The following NOL4 variants were observed in gnomAD, a reference collection of about 807,000 sequenced individuals.
NOL4 encodes the protein nucleolar protein 4.
In NOL4, 17 loss-of-function variants were observed where a neutral mutation model predicts 75.9. The observed-to-expected ratio is 0.22, with a 90% CI of 0.15 to 0.34. NOL4 has a LOEUF of 0.34. Ranked by LOEUF, NOL4 falls within the 10% of genes least tolerant of loss-of-function variation. NOL4 has a pLI of 1.00. For missense variants in NOL4, 614 were observed against 793.5 expected (o/e 0.77, Z 2.72); for synonymous variants, 292 against 289.9 (o/e 1.01, Z -0.07).
At chr18:34,138,463 A>G (rs2145967574) in intron 1 of NOL4, among the ~76,000 whole-genome samples, 1 of 152,292 alleles carries the variant, frequency 6.6e-6, no homozygotes, top group East Asian at 1.9e-4. Flanking sequence ...GGGGAGGAGA[A>G]AAAAATAAGG....
At chr18:33,974,307 A>G (rs1305272665) in intron 6 of NOL4, among the ~76,000 whole-genome samples, 2 of 152,166 alleles carry the variant, frequency 1.3e-5, no homozygotes, top group Non-Finnish European at 2.9e-5. Flanking sequence ...GCTCTGGAAT[A>G]GGCTTTGGCT....
chr18:33,857,623 A>G (rs539538847), intron 10 of NOL4, among the ~76,000 whole-genome samples: 1 of 152,166 alleles, frequency 6.6e-6, no homozygotes, highest in Non-Finnish European at 1.5e-5. Context: ...TTTACCAGGA[A>G]GCCATCCAAC....
intron 1 of NOL4, among the ~76,000 whole-genome samples, chr18:34,157,894 G>A (rs1006206752): frequency 2.6e-5 from 4 of 152,100 alleles, no homozygotes; most frequent in African/African-American, 9.7e-5. Flanking sequence ...AACATGTTTC[G>A]AATTCATAGC....
At chr18:34,014,803 C>A (rs2074585669) in intron 6 of NOL4, among the ~76,000 whole-genome samples, 1 of 152,042 alleles carries the variant, frequency 6.6e-6, no homozygotes, top group Non-Finnish European at 1.5e-5. Flanking sequence ...CCCTGCTAGT[C>A]TAGTGAGTTA....
chr18:33,939,722 G>A (rs1389886656), intron 9 of NOL4, among the ~76,000 whole-genome samples: 1 of 152,074 alleles, frequency 6.6e-6, no homozygotes, highest in Non-Finnish European at 1.5e-5. Flanking sequence ...TCTGCAAAGA[G>A]ACAATTTGAC....
intron 1 of NOL4, among the ~76,000 whole-genome samples, chr18:34,131,271 G>GT (rs577719812): frequency 7.0e-4 from 107 of 152,164 alleles, no homozygotes; most frequent in African/African-American, 2.5e-3. Flanking sequence ...AAAAACAAAA[G>GT]TAAGTCACCT....
intron 1 of NOL4, among the ~76,000 whole-genome samples, chr18:34,169,961 G>T (rs866819997): frequency 6.6e-6 from 1 of 152,010 alleles, no homozygotes; most frequent in Non-Finnish European, 1.5e-5. Flanking sequence ...TTTAGACTTT[G>T]TATATGCTGT....
intron 6 of NOL4, among the ~76,000 whole-genome samples, chr18:33,966,022 T>A (rs1277500595): frequency 2.6e-5 from 4 of 152,098 alleles, no homozygotes; most frequent in Non-Finnish European, 4.4e-5. Flanking sequence ...AAATTTAAGT[T>A]TATAAATGTT....
chr18:33,945,093 G>A (rs1335595409), intron 8 of NOL4, among the ~76,000 whole-genome samples: 1 of 151,868 alleles, frequency 6.6e-6, no homozygotes, highest in Non-Finnish European at 1.5e-5. Flanking sequence ...TCAAATAGGA[G>A]TGAGAGTTTA....
At chr18:33,943,753 G>C (rs568831279) in intron 8 of NOL4, among the ~76,000 whole-genome samples, 22 of 151,978 alleles carry the variant, frequency 1.4e-4, no homozygotes, top group Admixed American at 3.9e-4. Flanking sequence ...AAGGTTTAGT[G>C]CTTTAGATGT....
intron 6 of NOL4, among the ~76,000 whole-genome samples, chr18:33,977,920 G>A (rs1045770499): frequency 1.3e-5 from 2 of 152,156 alleles, no homozygotes; most frequent in Admixed American, 1.3e-4. Flanking sequence ...CACTGTGGAA[G>A]TCTAGGCCTT....
At chr18:34,107,259 T>C (rs908391244) in intron 2 of NOL4, among the ~76,000 whole-genome samples, 3 of 152,182 alleles carry the variant, frequency 2.0e-5, no homozygotes, top group Non-Finnish European at 4.4e-5. Context: ...ACATTAGTTT[T>C]ATAGCTTTAC....
At chr18:34,186,987 C>T (rs143022455) in intron 1 of NOL4, among the ~76,000 whole-genome samples, 1 of 152,316 alleles carries the variant, frequency 6.6e-6, no homozygotes, top group East Asian at 1.9e-4. Flanking sequence ...CAACATCCTG[C>T]ACCAGAGTGG....
intron 10 of NOL4, among the ~76,000 whole-genome samples, chr18:33,860,557 T>C (rs1315991968): frequency 6.6e-6 from 1 of 152,190 alleles, no homozygotes; most frequent in Admixed American, 6.5e-5. Context: ...GTTTTCTAGA[T>C]ATAGAATCAT....
intron 6 of NOL4, among the ~76,000 whole-genome samples, chr18:33,967,246 A>T (rs2070677358): frequency 6.6e-6 from 1 of 152,190 alleles, no homozygotes; most frequent in South Asian, 2.1e-4. Context: ...CTATTCAATA[A>T]ATGGTGCTGG....
chr18:34,219,575 G>A (rs1400335905), intron 1 of NOL4, among the ~76,000 whole-genome samples: 1 of 152,228 alleles, frequency 6.6e-6, no homozygotes, highest in South Asian at 2.1e-4. Context: ...TACCAAATGT[G>A]TAAAACAGAG....
At chr18:33,999,542 A>T (rs1164267000) in intron 6 of NOL4, among the ~76,000 whole-genome samples, 2 of 151,986 alleles carry the variant, frequency 1.3e-5, no homozygotes, top group African/African-American at 4.8e-5. Context: ...GGAGTGGAGT[A>T]CCTGTGTGAG....
chr18:34,128,736 G>C, intron 2 of NOL4: 1 of 222,338 alleles, frequency 4.5e-6, no homozygotes, highest in Middle Eastern at 2.3e-3. Context: ...ACATGTATTA[G>C]GGGTTATTAT....
intron 6 of NOL4, among the ~76,000 whole-genome samples, chr18:33,993,931 A>C (rs966563798): frequency 6.6e-6 from 1 of 151,776 alleles, no homozygotes; most frequent in Non-Finnish European, 1.5e-5. Flanking sequence ...TCAAAGATAC[A>C]AATATACTGA....
Sources: allele counts gnomAD v4.1 joint callset (sites outside exome capture counted in the v4.1 genomes callset), GRCh38; gene constraint gnomAD v4.1.1; transcripts MANE v1.5; gene names NCBI Gene and HGNC (gene_info 2026-07-23, HGNC 2026-07-21).